Variants in PCDHA2 observed in about 807,000 individuals in gnomAD.
PCDHA2 encodes protocadherin alpha 2, also known as protocadherin alpha-2.
Under a neutral mutation model 66.0 loss-of-function variants are expected in PCDHA2, and 58 were observed. The observed-to-expected ratio is 0.88, with a 90% confidence interval of 0.71 to 1.09. The LOEUF is 1.09. PCDHA2 is among the 50% of genes least tolerant of loss of function. The pLI, the probability that PCDHA2 is intolerant of heterozygous loss-of-function variation, is 0.00. For synonymous variants in PCDHA2, 634 were observed against 554.0 expected, an observed-to-expected ratio of 1.14 and a Z score of -2.03; for missense variants, 1,267 against 1,242.3, an observed-to-expected ratio of 1.02 and a Z score of -0.30.
intron 1 of PCDHA2, among the ~76,000 whole-genome samples, chr5:140,950,273 T>G (rs1218178621): frequency 6.6e-5 from 10 of 152,008 alleles, no homozygotes; most frequent in African/African-American, 1.9e-4. Flanking sequence ...CCATAATGTC[T>G]TTTTGCTTCA....
intron 1 of PCDHA2, chr5:140,809,614 T>C: frequency 2.0e-6 from 3 of 1,520,110 alleles, no homozygotes; most frequent in Non-Finnish European, 2.6e-6. Context: ...CGTATTGTTT[T>C]TCTCTATCAA....
intron 1 of PCDHA2, chr5:140,807,580 G>T (rs782352876): frequency 4.3e-6 from 7 of 1,614,180 alleles, no homozygotes; most frequent in East Asian, 2.2e-5. Flanking sequence ...ATAACCCGCC[G>T]GTGTTCCCAG....
intron 1 of PCDHA2, chr5:140,807,108 G>T (rs1405557630): frequency 6.8e-6 from 10 of 1,477,174 alleles, no homozygotes; most frequent in Non-Finnish European, 9.2e-6. Flanking sequence ...GGATGCAGCT[G>T]CACTTGACTG....
intron 1 of PCDHA2, chr5:140,801,726 T>C: frequency 6.2e-7 from 1 of 1,611,282 alleles, no homozygotes; most frequent in Non-Finnish European, 8.5e-7. Context: ...TTCCACTGAA[T>C]ATTTTACCTT....
At chr5:140,875,265 T>G in intron 1 of PCDHA2, 1 of 1,201,060 alleles carries the variant, frequency 8.3e-7, no homozygotes, top group Non-Finnish European at 1.1e-6. Context: ...GATGTCGCTC[T>G]ACACTCAGAA....
intron 1 of PCDHA2, among the ~76,000 whole-genome samples, chr5:140,934,534 G>GT (rs1563143363): frequency 2.6e-5 from 4 of 152,064 alleles, no homozygotes; most frequent in Non-Finnish European, 4.4e-5. Flanking sequence ...GAGAGCTACC[G>GT]TTCTAATTCT....
chr5:140,809,062 G>A (rs781986563), intron 1 of PCDHA2: 1 of 1,613,900 alleles, frequency 6.2e-7, no homozygotes, highest in Non-Finnish European at 8.5e-7. Flanking sequence ...TCCGCGTGGG[G>A]CTGTACACTG....
intron 1 of PCDHA2, chr5:140,808,873 G>T (rs782251323): frequency 3.7e-6 from 6 of 1,613,080 alleles, no homozygotes; most frequent in Non-Finnish European, 5.1e-6. Flanking sequence ...ACGACAACGC[G>T]CCAGCACTGC....
chr5:140,871,674 A>G (rs1582053798), intron 1 of PCDHA2: 3 of 1,137,860 alleles, frequency 2.6e-6, no homozygotes, highest in Non-Finnish European at 3.6e-6. Context: ...TCTTTTAATC[A>G]TATGAATAAT....
At chr5:140,842,068 A>T (rs1777688396) in intron 1 of PCDHA2, 2 of 1,613,910 alleles carry the variant, frequency 1.2e-6, no homozygotes, top group African/African-American at 2.7e-5. Context: ...AATACGAAGT[A>T]AGAATATTCG....
chr5:140,847,661 T>C (rs1781128482), intron 1 of PCDHA2: 1 of 149,742 alleles, frequency 6.7e-6, no homozygotes, highest in Non-Finnish European at 1.5e-5. Flanking sequence ...TCATAGATTA[T>C]AAAGCTTGGA....
At chr5:140,959,583 A>G (rs529440681) in intron 1 of PCDHA2, among the ~76,000 whole-genome samples, 10 of 152,332 alleles carry the variant, frequency 6.6e-5, no homozygotes, top group Admixed American at 1.3e-4. Flanking sequence ...TTTCAATTCT[A>G]TCAGCCAAGT....
chr5:140,966,974 C>A, intron 1 of PCDHA2: 1 of 1,602,874 alleles, frequency 6.2e-7, no homozygotes, highest in Non-Finnish European at 8.5e-7. Context: ...GCTTGAGCTG[C>A]GGCGCTTGGG....
At chr5:140,970,408 A>G (rs1292683019) in intron 1 of PCDHA2, among the ~76,000 whole-genome samples, 1 of 152,202 alleles carries the variant, frequency 6.6e-6, no homozygotes, top group Admixed American at 6.5e-5. Context: ...GGCTTACCCT[A>G]CAGTAAGGTG....
intron 1 of PCDHA2, chr5:140,968,562 C>G: frequency 6.2e-7 from 1 of 1,614,208 alleles, no homozygotes; most frequent in South Asian, 1.1e-5. Flanking sequence ...CGAACTGCCC[C>G]TGCTGGCTAC....
intron 1 of PCDHA2, among the ~76,000 whole-genome samples, chr5:140,962,106 C>T (rs1156902232): frequency 4.6e-5 from 7 of 152,130 alleles, no homozygotes; most frequent in Non-Finnish European, 7.4e-5. Context: ...AGGATGGTCT[C>T]GATCTCCTAA....
At chr5:140,843,414 T>C (rs2150359498) in intron 1 of PCDHA2, 4 of 1,596,080 alleles carry the variant, frequency 2.5e-6, no homozygotes, top group Non-Finnish European at 3.4e-6. Context: ...GATGTCAACG[T>C]GTACCTGATC....
rs781848883 is a variant in PCDHA2 at position 140,795,160 on chromosome 5, G to A, written c.196G>A (p.Val66Met). The A allele has an allele frequency of 6.2e-7, 1 of 1,613,942 alleles. No homozygotes were observed. Among genetic ancestry groups the A allele is most frequent in the African/African-American group, 1.3e-5 (1 of 74,938 alleles). ...GGAGCTGGTGCCGCGCCTGTTCCGG[G>A]TGGCGTCCAAAAGACACGGGGACCT... is the stretch of plus-strand genomic sequence containing the variant. Reference protein sequence around the residue: ...LEELVPRLFRVASKRHGDLLE... With the variant: ...LEELVPRLFRMASKRHGDLLE... The change falls in exon 1 of 4, where the codon GTG becomes ATG. Residue 66 changes from valine (V) to methionine (M), a missense_variant. By Grantham distance (21) the Val-to-Met change is conservative (BLOSUM62 1). Transcript: ENST00000526136.
intron 1 of PCDHA2, chr5:140,863,119 A>T: frequency 1.7e-6 from 1 of 591,284 alleles, no homozygotes; most frequent in Non-Finnish European, 3.3e-6. Context: ...GGCGAAAGCT[A>T]CGCGCCACCG....
Sources: gnomAD v4.1 joint callset for allele counts (sites outside exome capture counted in the v4.1 genomes callset) on GRCh38, gnomAD v4.1.1 for gene constraint, MANE v1.5 for transcripts, NCBI Gene and HGNC (gene_info 2026-07-23, HGNC 2026-07-21) for gene names.